CDC14B: variants seen among roughly 807,000 people sequenced by gnomAD.
CDC14B encodes the protein dual specificity protein phosphatase CDC14B.
CDC14B carries 22 observed loss-of-function variants against 64.2 expected under a neutral mutation model. The ratio of observed to expected loss-of-function variants is 0.34; its 90% CI spans 0.24 to 0.49. CDC14B has a LOEUF of 0.49. CDC14B is among the 20% of genes least tolerant of loss of function. The pLI is 0.99. For synonymous variants in CDC14B, 191 were observed against 215.8 expected (o/e 0.89, Z 1.01); for missense variants, 498 against 629.9 (o/e 0.79, Z 2.24).
chr9:96,565,457 T>C lies in CDC14B; in HGVS notation c.187A>G (p.Ser63Gly). The C allele has an allele frequency of 6.2e-7, 1 of 1,612,114 alleles. No individual in the cohort carries two copies. ...TDRLCFAILY[S>G]RPKSASNVHY... ...ACATTTGATGCACTCTTTGGTCTGC[T>C]GTAGAGAATGGCAAAACAAAGGCGA... is the stretch of plus-strand genomic sequence containing the variant. Residue 63 changes from serine (S) to glycine (G), a missense_variant, in exon 2 of 14, where the codon AGC (serine) becomes GGC (glycine). Coordinates refer to ENST00000375241, the MANE Select transcript of CDC14B (RefSeq NM_033331.4).
intron 13 of CDC14B, among the ~76,000 whole-genome samples, chr9:96,504,765 G>A (rs1016739069): frequency 6.6e-6 from 1 of 152,196 alleles, no homozygotes. Context: ...TGAGGGTCAA[G>A]AGGCAGTGGC....
At chr9:96,522,230 G>A (rs565741209) in intron 12 of CDC14B, among the ~76,000 whole-genome samples, 58 of 152,224 alleles carry the variant, frequency 3.8e-4, no homozygotes, top group African/African-American at 1.2e-3. Context: ...ATCTGCTGTC[G>A]CGCTCCTGAG....
At chr9:96,610,444 C>T (rs1023170046) in intron 1 of CDC14B, among the ~76,000 whole-genome samples, 2 of 152,026 alleles carry the variant, frequency 1.3e-5, no homozygotes, top group Non-Finnish European at 2.9e-5. Context: ...GTGATCCACC[C>T]GCCTCGGCCT....
intron 9 of CDC14B, among the ~76,000 whole-genome samples, chr9:96,531,413 G>C (rs1017401074): frequency 1.3e-5 from 2 of 152,024 alleles, no homozygotes; most frequent in African/African-American, 4.8e-5. Flanking sequence ...TATCCAATTT[G>C]TTGTCCTACA....
At chr9:96,530,936 G>A (rs190317972) in intron 9 of CDC14B, among the ~76,000 whole-genome samples, 230 of 152,244 alleles carry the variant, frequency 1.5e-3, no homozygotes, top group Non-Finnish European at 8.7e-4. Context: ...TGTCCTTAAC[G>A]TGGTATATCA....
chr9:96,612,006 A>G (rs572931381), intron 1 of CDC14B, among the ~76,000 whole-genome samples: 4 of 152,368 alleles, frequency 2.6e-5, no homozygotes, highest in East Asian at 1.9e-4. Flanking sequence ...ATTAGGCAAT[A>G]TAAGTCTTCA....
At chr9:96,597,501 G>GAAAA (rs1217556598) in intron 1 of CDC14B, among the ~76,000 whole-genome samples, 1 of 66,754 alleles carries the variant, frequency 1.5e-5, no homozygotes, top group South Asian at 5.3e-4. Context: ...TTCCAAAAAA[G>GAAAA]AAAAAAAAAA....
chr9:96,534,397 A>T, intron 8 of CDC14B, 58 bp downstream of exon 8: 1 of 1,276,512 alleles, frequency 7.8e-7, no homozygotes, highest in Non-Finnish European at 1.1e-6. Context: ...TTTCAAAAGA[A>T]AATATAGGAT....
At chr9:96,531,244 A>AT (rs1288058030) in intron 9 of CDC14B, among the ~76,000 whole-genome samples, 8 of 152,152 alleles carry the variant, frequency 5.3e-5, no homozygotes, top group Non-Finnish European at 1.2e-4. Flanking sequence ...GTTTGGTAGA[A>AT]TTTACTGGTG....
intron 13 of CDC14B, among the ~76,000 whole-genome samples, chr9:96,504,441 T>C (rs748522259): frequency 6.6e-6 from 1 of 152,164 alleles, no homozygotes; most frequent in Non-Finnish European, 1.5e-5. Flanking sequence ...ACTTCCAATC[T>C]GGAGGGCTCC....
chr9:96,580,786 C>T (rs1015068478), intron 1 of CDC14B, among the ~76,000 whole-genome samples: 1 of 152,162 alleles, frequency 6.6e-6, no homozygotes, highest in African/African-American at 2.4e-5. Flanking sequence ...ATCATACTAT[C>T]ACTTAAAGTT....
chr9:96,585,190 A>G (rs1226143241), intron 1 of CDC14B, among the ~76,000 whole-genome samples: 1 of 151,850 alleles, frequency 6.6e-6, no homozygotes, highest in Non-Finnish European at 1.5e-5. Context: ...TTTAAAGAAA[A>G]TGGTGTGGAA....
At chr9:96,602,952 TCAC>T (rs1438174226) in intron 1 of CDC14B, among the ~76,000 whole-genome samples, 2 of 152,046 alleles carry the variant, frequency 1.3e-5, no homozygotes, top group African/African-American at 2.4e-5. Flanking sequence ...AAGGCTATTA[TCAC>T]CACATCTCGA....
At chr9:96,523,088 C>CTATGTGT (rs1836993007) in intron 11 of CDC14B, among the ~76,000 whole-genome samples, 173 bp downstream of exon 11, 2 of 152,106 alleles carry the variant, frequency 1.3e-5, no homozygotes, top group African/African-American at 4.8e-5. Flanking sequence ...GGACACACAA[C>CTATGTGT]CTTGTTTCCA....
At chr9:96,576,815 A>G (rs746168557) in intron 1 of CDC14B, among the ~76,000 whole-genome samples, 4 of 152,184 alleles carry the variant, frequency 2.6e-5, no homozygotes, top group Non-Finnish European at 4.4e-5. Context: ...GACCCAATAG[A>G]TAGAACTGTT....
intron 12 of CDC14B, among the ~76,000 whole-genome samples, chr9:96,510,608 CTT>C (rs879292814): frequency 1.3e-4 from 18 of 138,470 alleles, no homozygotes; most frequent in African/African-American, 7.9e-5. Context: ...ATATGCAATT[CTT>C]TTTTTTTTTT....
intron 2 of CDC14B, among the ~76,000 whole-genome samples, 158 bp from the exon 3 acceptor site, chr9:96,565,010 A>C (rs917922504): frequency 6.6e-6 from 1 of 152,312 alleles, no homozygotes; most frequent in Middle Eastern, 3.4e-3. Context: ...GTGGAAGACT[A>C]TTCTGGTAAA....
intron 1 of CDC14B, among the ~76,000 whole-genome samples, chr9:96,583,970 G>A (rs1442990375): frequency 6.6e-6 from 1 of 151,768 alleles, no homozygotes; most frequent in African/African-American, 2.4e-5. Context: ...CGCCTGCCTC[G>A]GCCTCCCAAA....
chr9:96,558,115 C>T (rs543138767), intron 4 of CDC14B, among the ~76,000 whole-genome samples: 2 of 152,124 alleles, frequency 1.3e-5, no homozygotes, highest in South Asian at 4.2e-4. Context: ...CTTATGGAGG[C>T]CAAGAGTAGA....
Sources: allele counts gnomAD v4.1 joint callset (sites outside exome capture counted in the v4.1 genomes callset), GRCh38; gene constraint gnomAD v4.1.1; transcripts MANE v1.5; gene names NCBI Gene and HGNC (gene_info 2026-07-23, HGNC 2026-07-21).